SGCD: variants seen among roughly 807,000 people sequenced by gnomAD.
SGCD encodes delta-sarcoglycan.
A neutral mutation model predicts 36.6 loss-of-function variants in SGCD; 18 were observed. That is an observed-to-expected ratio of 0.49 (90% CI 0.34 to 0.73). SGCD has a LOEUF of 0.73. Ranked by LOEUF, SGCD falls within the 30% of genes least tolerant of loss-of-function variation. SGCD has a pLI of 0.01. For missense variants in SGCD, 387 were observed against 346.7 expected, an observed-to-expected ratio of 1.12 and a Z score of -0.92; for synonymous variants, 133 against 130.6, an observed-to-expected ratio of 1.02 and a Z score of -0.12.
At chr5:156,008,314 G>T (rs532976977) in intron 1 of SGCD, among the ~76,000 whole-genome samples, 1 of 152,068 alleles carries the variant, frequency 6.6e-6, no homozygotes, top group East Asian at 1.9e-4. Flanking sequence ...ACTTACAGCT[G>T]ATATGCTCCG....
the SGCD span, among the ~76,000 whole-genome samples, chr5:155,854,715 C>T: frequency 6.6e-6 from 1 of 151,942 alleles, no homozygotes; most frequent in African/African-American, 2.4e-5. Context: ...ATTGATGTAC[C>T]CTTATCTCTT....
chr5:156,027,561 G>T (rs1402802814), intron 1 of SGCD, among the ~76,000 whole-genome samples: 1 of 152,084 alleles, frequency 6.6e-6, no homozygotes, highest in Non-Finnish European at 1.5e-5. Flanking sequence ...GATGACAGGG[G>T]AGGTGGGGTG....
rs1769370629 is a variant in SGCD, at chr5:156,353,768, AG to A, written c.192+9092del. 2.0e-5 allele frequency among the ~76,000 whole-genome samples: 3 copies of A among 152,220 alleles called. No homozygotes were observed. The South Asian group carries it at 6.2e-4, about 32-fold the overall frequency. On this transcript the variant is annotated intron_variant, in intron 3 of 8. Coordinates refer to ENST00000337851, the MANE Select transcript of SGCD (RefSeq NM_000337.6). ...AATGGCCAAAATGTTGTTTTTTAAA[AG>A]CACCATAAAAATTGTAATGCAGAAA... is the stretch of plus-strand genomic sequence containing the variant.
intron 1 of SGCD, among the ~76,000 whole-genome samples, chr5:155,989,203 A>G (rs1487489573): frequency 3.9e-5 from 6 of 152,172 alleles, no homozygotes; most frequent in Non-Finnish European, 8.8e-5. Context: ...AGAGAATGAG[A>G]TGTTAAATAT....
the SGCD span, among the ~76,000 whole-genome samples, chr5:155,729,001 C>A: frequency 2.0e-5 from 3 of 152,218 alleles, no homozygotes; most frequent in African/African-American, 2.4e-5. Flanking sequence ...GTGAGTAGGC[C>A]GCTAATGGAG....
intron 7 of SGCD, among the ~76,000 whole-genome samples, chr5:156,697,000 G>A (rs1754347231): frequency 1.3e-5 from 2 of 150,930 alleles, no homozygotes; most frequent in Non-Finnish European, 2.9e-5. Context: ...CCAGACGCTT[G>A]AGTGTCTGGC....
At chr5:156,543,227 G>A (rs1329077669) in intron 4 of SGCD, among the ~76,000 whole-genome samples, 2 of 152,162 alleles carry the variant, frequency 1.3e-5, no homozygotes, top group African/African-American at 4.8e-5. Context: ...TACTCAGTAT[G>A]TGCCAGTAGT....
intron 3 of SGCD, among the ~76,000 whole-genome samples, chr5:156,141,926 A>T (rs1762591582): frequency 1.3e-5 from 2 of 152,228 alleles, no homozygotes; most frequent in Admixed American, 1.3e-4. Flanking sequence ...AGTTTCCTTC[A>T]TTTTCTGAGG....
At chr5:156,056,645 T>TAAAAAAAAAAAAAAAAAAAAAA (rs561328077) in intron 1 of SGCD, among the ~76,000 whole-genome samples, 1 of 68,264 alleles carries the variant, frequency 1.5e-5, no homozygotes, top group African/African-American at 7.1e-5. Flanking sequence ...AAATTATCCT[T>TAAAAAAAAAAAAAAAAAAAAAA]AAAAAAAAAA....
chr5:156,435,672 T>C (rs545392297), intron 3 of SGCD, among the ~76,000 whole-genome samples: 1 of 152,312 alleles, frequency 6.6e-6, no homozygotes, highest in South Asian at 2.1e-4. Flanking sequence ...TGTATCCTGT[T>C]ATTAATACTA....
chr5:156,723,283 C>T (rs1052901117), intron 7 of SGCD, among the ~76,000 whole-genome samples: 1 of 152,246 alleles, frequency 6.6e-6, no homozygotes, highest in Non-Finnish European at 1.5e-5. Context: ...TCCTGAACAT[C>T]TTTCCTCTGT....
chr5:156,331,812 G>A (rs1234181919), intron 2 of SGCD, among the ~76,000 whole-genome samples: 2 of 152,222 alleles, frequency 1.3e-5, no homozygotes, highest in African/African-American at 4.8e-5. Context: ...TTGGGGTTGT[G>A]ATATTGGCAC....
chr5:156,245,160 GTCT>G (rs1765409995), intron 3 of SGCD, among the ~76,000 whole-genome samples: 1 of 152,154 alleles, frequency 6.6e-6, no homozygotes, highest in Non-Finnish European at 1.5e-5. Flanking sequence ...CCCTTTCATA[GTCT>G]TCTCTCTGGC....
the SGCD span, chr5:155,845,289 A>G: frequency 6.6e-6 from 1 of 152,158 alleles, no homozygotes; most frequent in Non-Finnish European, 1.5e-5. Flanking sequence ...AATTCCAGGT[A>G]CCTGCTGCCT....
intron 3 of SGCD, among the ~76,000 whole-genome samples, chr5:156,319,419 T>G (rs1232379758): frequency 2.0e-5 from 3 of 152,230 alleles, no homozygotes; most frequent in Non-Finnish European, 2.9e-5. Context: ...TAACATTCTG[T>G]TTTTGGACTC....
intron 3 of SGCD, among the ~76,000 whole-genome samples, chr5:156,379,918 G>C (rs959269607): frequency 2.6e-5 from 4 of 152,190 alleles, no homozygotes; most frequent in Non-Finnish European, 2.9e-5. Flanking sequence ...CAAAAAATTT[G>C]ACTGCAAATG....
At chr5:155,763,213 G>A in the SGCD span, among the ~76,000 whole-genome samples, 1 of 152,118 alleles carries the variant, frequency 6.6e-6, no homozygotes, top group African/African-American at 2.4e-5. Flanking sequence ...TAATTTCAGG[G>A]ATGAAGGAAT....
chr5:156,301,958 A>G (rs1461319149), intron 3 of SGCD, among the ~76,000 whole-genome samples: 1 of 151,782 alleles, frequency 6.6e-6, no homozygotes, highest in Non-Finnish European at 1.5e-5. Context: ...TGATCTTTGG[A>G]AGTTTGATTA....
intron 6 of SGCD, among the ~76,000 whole-genome samples, chr5:156,621,189 T>C (rs1453291351): frequency 6.6e-6 from 1 of 151,926 alleles, no homozygotes; most frequent in African/African-American, 2.4e-5. Context: ...AGCAAGAAAG[T>C]TAGATTTTTT....
Sources: allele counts gnomAD v4.1 joint callset (sites outside exome capture counted in the v4.1 genomes callset), GRCh38; gene constraint gnomAD v4.1.1; transcripts MANE v1.5; gene names NCBI Gene and HGNC (gene_info 2026-07-23, HGNC 2026-07-21).